Variants in PBX4 observed in about 807,000 individuals in gnomAD.
PBX4 encodes the protein pre-B-cell leukemia transcription factor 4.
PBX4 carries 26 observed loss-of-function variants against 35.1 expected under a neutral mutation model. The ratio of observed to expected loss-of-function variants is 0.74; its 90% CI spans 0.54 to 1.03. The LOEUF (loss-of-function observed/expected upper bound fraction) is 1.03, where lower values mean the gene tolerates loss of function less well. Ranked by LOEUF, PBX4 falls within the 50% of genes least tolerant of loss-of-function variation. PBX4 has a pLI of 0.00. For synonymous variants in PBX4, 199 were observed against 204.2 expected (o/e 0.97, Z 0.22); for missense variants, 448 against 504.3 (o/e 0.89, Z 1.07).
At chr19:19,566,292 C>T (rs543891735) in intron 5 of PBX4, among the ~76,000 whole-genome samples, 4 of 152,244 alleles carry the variant, frequency 2.6e-5, no homozygotes, top group South Asian at 2.1e-4. Context: ...GGGTGCTGAG[C>T]GGTATCCTTG....
intron 2 of PBX4, 81 bp downstream of exon 2, chr19:19,599,211 C>CCCGCCT: frequency 4.1e-6 from 5 of 1,211,204 alleles, no homozygotes; most frequent in Non-Finnish European, 6.0e-6. Context: ...AGGTGATCTG[C>CCCGCCT]CCGCCTCCGC....
chr19:19,576,037 A>G (rs2061417358), intron 2 of PBX4, among the ~76,000 whole-genome samples: 1 of 152,162 alleles, frequency 6.6e-6, no homozygotes, highest in Non-Finnish European at 1.5e-5. Flanking sequence ...GTGTGTGTTC[A>G]TGTGGGTGTG....
chr19:19,618,622 G>T lies in PBX4; in HGVS notation c.8C>A (p.Ala3Asp), dbSNP rs1375016353. The change falls in exon 1 of 8, where the codon GCC (alanine) becomes GAC (aspartate). Residue 3 changes from alanine (A) to aspartate (D), a missense_variant. Ala to Asp is a moderately radical substitution (Grantham distance 126, BLOSUM62 -2). Coordinates refer to ENST00000251203, the MANE Select transcript of PBX4 (RefSeq NM_025245.3). MA[A>D]PPRPAPSPPA... Reference sequence around the variant, plus strand: ...GGGCGATGGCGCGGGGCGCGGCGGGGCGGCCATGAGCGGCAGGGCCGGGCG... The same window carrying T: ...GGGCGATGGCGCGGGGCGCGGCGGGTCGGCCATGAGCGGCAGGGCCGGGCG... 1.6e-6 allele frequency: 2 copies of T among 1,239,918 alleles called. No individual in the cohort carries two copies. The highest frequency in any genetic ancestry group is 2.0e-6 in the Non-Finnish European group (2 of 990,042). 76.8% of individuals were successfully genotyped at this position (1,239,918 alleles called of 1,614,324 possible). A position where few individuals can be genotyped will look rare whatever the true frequency, so the allele number is the denominator to read the frequency against.
intron 1 of PBX4, among the ~76,000 whole-genome samples, chr19:19,604,798 C>T (rs955765711): frequency 6.6e-6 from 1 of 151,258 alleles, no homozygotes; most frequent in Non-Finnish European, 1.5e-5. Context: ...GACAGGGTTT[C>T]ATGGTATTAG....
At chr19:19,564,910 G>A (rs1316595578) in intron 6 of PBX4, 23 bp downstream of exon 6, 1 of 1,614,152 alleles carries the variant, frequency 6.2e-7, no homozygotes, top group South Asian at 1.1e-5. Context: ...ACAGATGACT[G>A]TCCCTGGGCC....
intron 1 of PBX4, among the ~76,000 whole-genome samples, chr19:19,615,464 G>A (rs762718514): frequency 6.6e-6 from 1 of 152,158 alleles, no homozygotes; most frequent in African/African-American, 2.4e-5. Context: ...AAGAAAGTTT[G>A]AAGAACAAAT....
chr19:19,598,249 C>T (rs892086637), intron 2 of PBX4, among the ~76,000 whole-genome samples: 4 of 151,474 alleles, frequency 2.6e-5, no homozygotes, highest in East Asian at 3.9e-4. Flanking sequence ...GAAGGAGATA[C>T]GAGAACTCTC....
chr19:19,609,786 G>A (rs1380882803), intron 1 of PBX4, among the ~76,000 whole-genome samples: 1 of 151,952 alleles, frequency 6.6e-6, no homozygotes, highest in Non-Finnish European at 1.5e-5. Context: ...GGGGGGCGGA[G>A]CTTGCAGTGA....
chr19:19,562,807 G>C lies in PBX4; in HGVS notation c.1033-690C>G, dbSNP rs549227010. Among the ~76,000 whole-genome samples, 1 of 152,334 alleles carries C rather than the reference G, an allele frequency of 6.6e-6. No individual in the cohort carries two copies. Among genetic ancestry groups the C allele is most frequent in the Non-Finnish European group, 1.5e-5 (1 of 68,014 alleles). ...CGTAGTCAGGTCCCAGGGGTGCAAA[G>C]GGCAAGGTGAGGCCCCTCACGTGTG... On this transcript the variant is annotated intron_variant, in intron 7 of 7. Coordinates refer to ENST00000251203, the MANE Select transcript of PBX4 (RefSeq NM_025245.3). The surrounding 1 kb of genome is among the most constrained non-coding windows in gnomAD (Gnocchi z 4.8).
chr19:19,591,436 A>G (rs1002494958), intron 2 of PBX4, among the ~76,000 whole-genome samples: 1 of 152,268 alleles, frequency 6.6e-6, no homozygotes. Flanking sequence ...ACAAAAAGGC[A>G]TTCCCTGATG....
intron 2 of PBX4, among the ~76,000 whole-genome samples, chr19:19,589,718 C>T (rs745417666): frequency 1.3e-5 from 2 of 151,936 alleles, no homozygotes; most frequent in Non-Finnish European, 2.9e-5. Context: ...TGCAGTGAGC[C>T]GAGATCGCAC....
At position 19,563,485 on chromosome 19, in the gene PBX4, T is replaced by A. The variant is rs754484477; in HGVS notation, c.1032+24A>T. 1.1e-5 allele frequency: 17 copies of A among 1,515,582 alleles called. No homozygotes were observed. In the South Asian group the frequency reaches 2.1e-4, roughly 18 times the overall value. The allele number at this position is 1,515,582 out of a possible 1,614,324, so 93.9% of individuals were successfully genotyped here. A position where few individuals can be genotyped will look rare whatever the true frequency, so the allele number is the denominator to read the frequency against. ...GAGAACCTACCACCCACCTGGGCGC[T>A]GTGGGACAGTGCCTGAGACTCACCT... On this transcript the variant is annotated intron_variant, in intron 7 of 7. Transcript: ENST00000251203. This position sits in a 1 kb window ranked among gnomAD's most constrained non-coding sequence, Gnocchi z 5.1.
intron 1 of PBX4, among the ~76,000 whole-genome samples, chr19:19,607,351 G>A (rs2061637933): frequency 6.6e-6 from 1 of 152,078 alleles, no homozygotes; most frequent in South Asian, 2.1e-4. Flanking sequence ...ACTGCGCCTG[G>A]CCACATATCT....
At chr19:19,610,432 A>T (rs940371682) in intron 1 of PBX4, among the ~76,000 whole-genome samples, 9 of 151,792 alleles carry the variant, frequency 5.9e-5, no homozygotes, top group Non-Finnish European at 8.8e-5. Flanking sequence ...TAAAAAATTT[A>T]AAAAACTTAC....
intron 2 of PBX4, among the ~76,000 whole-genome samples, chr19:19,586,553 T>G (rs541766111): frequency 1.3e-5 from 2 of 152,200 alleles, no homozygotes; most frequent in East Asian, 3.9e-4. Flanking sequence ...CTGTAATATA[T>G]AGTGCTGTAA....
At chr19:19,594,371 A>G (rs965779323) in intron 2 of PBX4, among the ~76,000 whole-genome samples, 1 of 151,148 alleles carries the variant, frequency 6.6e-6, no homozygotes, top group East Asian at 2.0e-4. Flanking sequence ...ACTCCAGCCT[A>G]GGCAACAAGA....
chr19:19,568,998 C>T lies in PBX4; in HGVS notation c.768+451G>A, dbSNP rs566984480. Among the ~76,000 whole-genome samples, 8 of 152,328 alleles carry T rather than the reference C, an allele frequency of 5.3e-5. No homozygotes were observed. The South Asian group carries it at 8.3e-4, about 16-fold the overall frequency. On this transcript the variant is annotated intron_variant, in intron 5 of 7. Coordinates refer to ENST00000251203, the MANE Select transcript of PBX4 (RefSeq NM_025245.3). Reference sequence around the variant, plus strand: ...GCGCTGGAGTCCCACATTTGTAATGCAGAGCCTGGATCTGAGCTGGCCTGG... The same window carrying T: ...GCGCTGGAGTCCCACATTTGTAATGTAGAGCCTGGATCTGAGCTGGCCTGG...
At chr19:19,595,305 G>A (rs1191609586) in intron 2 of PBX4, among the ~76,000 whole-genome samples, 2 of 152,142 alleles carry the variant, frequency 1.3e-5, no homozygotes, top group East Asian at 1.9e-4. Flanking sequence ...TGTCTCCAGG[G>A]GGTGGATACA....
intron 2 of PBX4, among the ~76,000 whole-genome samples, chr19:19,585,342 T>A (rs1315909506): frequency 6.6e-6 from 1 of 151,776 alleles, no homozygotes; most frequent in Non-Finnish European, 1.5e-5. Context: ...AAAAGTAACA[T>A]TCTAGATAAA....
Sources: allele counts gnomAD v4.1 joint callset (sites outside exome capture counted in the v4.1 genomes callset), GRCh38; gene constraint gnomAD v4.1.1; non-coding constraint Gnocchi (gnomAD v3.1); transcripts MANE v1.5; gene names NCBI Gene and HGNC (gene_info 2026-07-23, HGNC 2026-07-21).